The following LTBP1 variants were observed in gnomAD, a reference collection of about 807,000 sequenced individuals.
The protein encoded by LTBP1 is latent-transforming growth factor beta-binding protein 1.
LTBP1 carries 129 observed loss-of-function variants against 207.6 expected under a neutral mutation model. The observed-to-expected ratio is 0.62, with a 90% CI of 0.54 to 0.72. The LOEUF (loss-of-function observed/expected upper bound fraction) is 0.72, where lower values mean the gene tolerates loss of function less well. Ranked by LOEUF, LTBP1 falls within the 30% of genes least tolerant of loss-of-function variation. The pLI, the probability that LTBP1 is intolerant of heterozygous loss-of-function variation, is 0.00. For synonymous variants in LTBP1, 963 were observed against 833.7 expected (o/e 1.16, Z -2.67); for missense variants, 2,281 against 2,217.2 (o/e 1.03, Z -0.58).
chr2:33,361,223 A>G (rs2094923996), intron 27 of LTBP1, among the ~76,000 whole-genome samples: 1 of 152,176 alleles, frequency 6.6e-6, no homozygotes, highest in Non-Finnish European at 1.5e-5. Context: ...GTGAACTTGG[A>G]GGTTTTTTAA....
chr2:33,145,221 C>T (rs1166737401), intron 5 of LTBP1, among the ~76,000 whole-genome samples: 2 of 152,020 alleles, frequency 1.3e-5, no homozygotes, highest in Non-Finnish European at 2.9e-5. Flanking sequence ...TACTGAAAGA[C>T]TGGCATGACT....
intron 32 of LTBP1, among the ~76,000 whole-genome samples, chr2:33,391,410 G>A (rs1249049990): frequency 6.6e-6 from 1 of 152,084 alleles, no homozygotes; most frequent in East Asian, 1.9e-4. Context: ...ATGCTTCTCT[G>A]TATATGTTAC....
intron 2 of LTBP1, among the ~76,000 whole-genome samples, chr2:32,960,476 G>A (rs1453270812): frequency 1.3e-5 from 2 of 152,162 alleles, no homozygotes; most frequent in African/African-American, 4.8e-5. Context: ...TATATAGTAG[G>A]TTTTGGTACA....
intron 22 of LTBP1, among the ~76,000 whole-genome samples, chr2:33,302,974 C>G (rs1249159783): frequency 1.3e-5 from 2 of 150,856 alleles, no homozygotes; most frequent in Non-Finnish European, 2.9e-5. Flanking sequence ...CACACACACA[C>G]ACACACACAC....
At chr2:33,262,879 G>A in intron 14 of LTBP1, 58 bp downstream of exon 14, 2 of 1,262,466 alleles carry the variant, frequency 1.6e-6, no homozygotes, top group East Asian at 2.4e-5. Context: ...ATGTAAGACG[G>A]GAAATTTTTG....
chr2:32,967,615 A>G (rs1417820436), intron 2 of LTBP1, among the ~76,000 whole-genome samples: 1 of 152,040 alleles, frequency 6.6e-6, no homozygotes, highest in African/African-American at 2.4e-5. Flanking sequence ...ATCTCCAAGT[A>G]TTTTGGGATT....
At chr2:33,382,724 C>G (rs1047125890) in intron 31 of LTBP1, among the ~76,000 whole-genome samples, 1 of 152,146 alleles carries the variant, frequency 6.6e-6, no homozygotes, top group African/African-American at 2.4e-5. Context: ...CTAAAAGAAC[C>G]GTGTCCAGAC....
intron 13 of LTBP1, among the ~76,000 whole-genome samples, chr2:33,262,018 C>A (rs563460105): frequency 6.6e-6 from 1 of 152,166 alleles, no homozygotes; most frequent in Non-Finnish European, 1.5e-5. Context: ...GTTCAGTCTG[C>A]CTGAGCCCTG....
chr2:33,311,895 A>T (rs1453842), intron 23 of LTBP1, among the ~76,000 whole-genome samples: 122,422 of 152,160 alleles, frequency 0.8, 49,655 homozygotes, highest in Non-Finnish European at 0.83. Flanking sequence ...TCTGTCACAT[A>T]TATTCCTATT....
At chr2:33,093,263 C>T (rs570398899) in intron 3 of LTBP1, among the ~76,000 whole-genome samples, 11 of 152,248 alleles carry the variant, frequency 7.2e-5, no homozygotes, top group African/African-American at 1.9e-4. Context: ...TGATTTACAG[C>T]GGTTAAGATG....
At chr2:33,025,861 A>G (rs1425430040) in intron 3 of LTBP1, among the ~76,000 whole-genome samples, 1 of 152,080 alleles carries the variant, frequency 6.6e-6, no homozygotes, top group Non-Finnish European at 1.5e-5. Context: ...TATTTTTGAA[A>G]TTTTCTGTAA....
At chr2:33,379,102 G>A (rs1433056897) in intron 31 of LTBP1, among the ~76,000 whole-genome samples, 1 of 151,974 alleles carries the variant, frequency 6.6e-6, no homozygotes, top group African/African-American at 2.4e-5. Flanking sequence ...CTCAGTGGCA[G>A]GCTGAGCTGT....
At chr2:33,003,557 T>G (rs913673523) in intron 2 of LTBP1, among the ~76,000 whole-genome samples, 1 of 152,310 alleles carries the variant, frequency 6.6e-6, no homozygotes, top group East Asian at 1.9e-4. Flanking sequence ...CGGCAGAACT[T>G]GAAGCGCTGT....
At chr2:33,206,913 C>T (rs996877558) in intron 7 of LTBP1, among the ~76,000 whole-genome samples, 4 of 152,032 alleles carry the variant, frequency 2.6e-5, no homozygotes, top group African/African-American at 9.7e-5. Context: ...AAAATAAATT[C>T]GATCTACTCA....
intron 24 of LTBP1, among the ~76,000 whole-genome samples, chr2:33,322,709 A>G (rs922824501): frequency 2.0e-5 from 3 of 152,172 alleles, no homozygotes; most frequent in Non-Finnish European, 4.4e-5. Flanking sequence ...GGCTGCAACA[A>G]ACAGCTTAGA....
intron 20 of LTBP1, among the ~76,000 whole-genome samples, chr2:33,295,761 C>A (rs1272285716): frequency 6.6e-6 from 1 of 152,010 alleles, no homozygotes; most frequent in Non-Finnish European, 1.5e-5. Context: ...ACATTTTCTT[C>A]TTAAGTGTCT....
chr2:33,345,157 A>C (rs956264350), intron 25 of LTBP1, among the ~76,000 whole-genome samples: 2 of 152,114 alleles, frequency 1.3e-5, no homozygotes, highest in African/African-American at 4.8e-5. Flanking sequence ...CCCCATTATC[A>C]CCTACTCATC....
chr2:33,171,994 G>T (rs998419811), intron 5 of LTBP1, among the ~76,000 whole-genome samples: 7 of 152,082 alleles, frequency 4.6e-5, no homozygotes, highest in African/African-American at 1.7e-4. Flanking sequence ...CCCTAAAAGA[G>T]CTCCTGAAGG....
At chr2:33,023,807 A>C (rs767217198) in intron 3 of LTBP1, among the ~76,000 whole-genome samples, 23 of 152,246 alleles carry the variant, frequency 1.5e-4, no homozygotes, top group Non-Finnish European at 2.2e-4. Flanking sequence ...AGGTTATGAC[A>C]TAATCACAGT....
Sources: allele counts gnomAD v4.1 joint callset (sites outside exome capture counted in the v4.1 genomes callset), GRCh38; gene constraint gnomAD v4.1.1; transcripts MANE v1.5; gene names NCBI Gene and HGNC (gene_info 2026-07-23, HGNC 2026-07-21).